The following LGMN variants were observed in gnomAD, a reference collection of about 807,000 sequenced individuals.
LGMN encodes legumain, also known as asparaginyl endopeptidase.
LGMN carries 36 observed loss-of-function variants against 56.8 expected under a neutral mutation model. The observed-to-expected ratio is 0.63, with a 90% CI of 0.49 to 0.84. The LOEUF (loss-of-function observed/expected upper bound fraction) is 0.84. Ranked by LOEUF, LGMN falls within the 40% of genes least tolerant of loss-of-function variation. LGMN has a pLI of 0.00. For missense variants in LGMN, 446 were observed against 556.1 expected, an observed-to-expected ratio of 0.80 and a Z score of 1.99; for synonymous variants, 199 against 210.1, an observed-to-expected ratio of 0.95 and a Z score of 0.46.
chr14:92,715,111 G>A (rs146847722), intron 5 of LGMN, among the ~76,000 whole-genome samples: 2 of 149,484 alleles, frequency 1.3e-5, no homozygotes, highest in African/African-American at 2.5e-5. Context: ...CAGTTCTCCT[G>A]CCTCAGCCTC....
chr14:92,743,072 A>T (rs1891639328), intron 1 of LGMN: 2 of 151,980 alleles, frequency 1.3e-5, no homozygotes, highest in South Asian at 4.1e-4. Context: ...TTAACAAAAG[A>T]TATAGCTACT....
rs532528490 is a variant in LGMN, at chr14:92,745,381, T to C, written c.-30+3108A>G. 3.9e-5 allele frequency among the ~76,000 whole-genome samples: 6 copies of C among 152,298 alleles called. No individual in the cohort carries two copies. The South Asian group carries it at 1.0e-3, about 26-fold the overall frequency. On this transcript the variant is annotated intron_variant, in intron 1 of 13. Transcript: ENST00000334869. ...ACTTCAAGAAATTGAAGGGTGGACA[T>C]TAACCTATAGAAATGTACAAAGAAT... is the stretch of plus-strand genomic sequence containing the variant.
intron 2 of LGMN, among the ~76,000 whole-genome samples, chr14:92,719,927 C>T (rs956577557): frequency 2.6e-5 from 4 of 152,208 alleles, no homozygotes; most frequent in Non-Finnish European, 2.9e-5. Context: ...GTGTGCCCAG[C>T]GATTTGTCTC....
intron 12 of LGMN, 91 bp downstream of exon 12, chr14:92,706,392 T>G (rs1889428685): frequency 1.8e-6 from 2 of 1,105,988 alleles, no homozygotes; most frequent in Non-Finnish European, 2.5e-6. Context: ...GGATGGAACC[T>G]TCTATAAGGT....
At chr14:92,728,590 A>C (rs1011662489) in intron 2 of LGMN, among the ~76,000 whole-genome samples, 2 of 152,252 alleles carry the variant, frequency 1.3e-5, no homozygotes, top group Non-Finnish European at 2.9e-5. Flanking sequence ...ATGACTAATT[A>C]CAAATGACCT....
At chr14:92,704,850 A>G in intron 12 of LGMN, 143 bp from the exon 13 acceptor site, 1 of 682,668 alleles carries the variant, frequency 1.5e-6, no homozygotes, top group East Asian at 2.6e-5. Context: ...ACCTTTAGAT[A>G]ATCTGGTGAT....
At chr14:92,708,779 C>A (rs1359266904) in intron 11 of LGMN, among the ~76,000 whole-genome samples, 1 of 144,024 alleles carries the variant, frequency 6.9e-6, no homozygotes, top group African/African-American at 2.6e-5. Flanking sequence ...ATCTCTTAAA[C>A]CCAGGAGGCG....
At chr14:92,707,336 A>G (rs184566027) in intron 11 of LGMN, among the ~76,000 whole-genome samples, 4 of 151,624 alleles carry the variant, frequency 2.6e-5, no homozygotes, top group Non-Finnish European at 4.4e-5. Flanking sequence ...TCTGAATTCC[A>G]CAAAGACCCT....
At chr14:92,723,020 A>G (rs1283671542) in intron 2 of LGMN, among the ~76,000 whole-genome samples, 1 of 152,098 alleles carries the variant, frequency 6.6e-6, no homozygotes, top group Non-Finnish European at 1.5e-5. Context: ...AGTCAAACAT[A>G]AATTTACCAT....
intron 1 of LGMN, among the ~76,000 whole-genome samples, chr14:92,746,765 G>A (rs778210143): frequency 1.3e-5 from 2 of 152,280 alleles, no homozygotes; most frequent in Non-Finnish European, 2.9e-5. Context: ...AGCCGGGCGC[G>A]GTGGCTCACG....
At chr14:92,727,835 T>C (rs1054856869) in intron 2 of LGMN, among the ~76,000 whole-genome samples, 3 of 152,194 alleles carry the variant, frequency 2.0e-5, no homozygotes, top group Non-Finnish European at 4.4e-5. Flanking sequence ...TGGGGGCTCC[T>C]GATCAGAGGG....
At chr14:92,740,531 C>T (rs1891500098) in intron 1 of LGMN, among the ~76,000 whole-genome samples, 1 of 152,164 alleles carries the variant, frequency 6.6e-6, no homozygotes, top group Non-Finnish European at 1.5e-5. Context: ...ACATCACCTG[C>T]TTGTCACACA....
chr14:92,722,663 A>G (rs1890539159), intron 2 of LGMN, among the ~76,000 whole-genome samples: 1 of 152,218 alleles, frequency 6.6e-6, no homozygotes, highest in Non-Finnish European at 1.5e-5. Context: ...ACATTATTAA[A>G]AAAATGAAAA....
intron 1 of LGMN, among the ~76,000 whole-genome samples, chr14:92,744,356 T>C (rs1021138187): frequency 1.6e-4 from 24 of 152,168 alleles, no homozygotes; most frequent in Admixed American, 2.6e-4. Context: ...AATTCTAGTC[T>C]AGACAGGCAA....
chr14:92,732,936 G>A lies in LGMN; in HGVS notation c.-29-121C>T, dbSNP rs1466796914. 6 of 686,490 alleles carry A rather than the reference G, an allele frequency of 8.7e-6. No individual in the cohort carries two copies. In the East Asian group the frequency reaches 1.2e-4, roughly 13 times the overall value. 42.5% of individuals were successfully genotyped at this position (686,490 alleles called of 1,614,324 possible). ...GAGGCCGAGGAGGGTGGATCAAGAG[G>A]TCAGGAGTTTGAGATCAGCTTGGCC... On this transcript the variant is annotated intron_variant, in intron 1 of 13. Transcript: ENST00000334869.
intron 2 of LGMN, among the ~76,000 whole-genome samples, chr14:92,728,824 C>G (rs942161274): frequency 1.3e-5 from 2 of 152,162 alleles, no homozygotes; most frequent in Non-Finnish European, 2.9e-5. Flanking sequence ...AGTTACCCAG[C>G]CTTTCTGTGC....
intron 2 of LGMN, among the ~76,000 whole-genome samples, chr14:92,728,142 C>T (rs990190733): frequency 5.9e-5 from 9 of 152,202 alleles, no homozygotes; most frequent in African/African-American, 1.2e-4. Context: ...CAGCGGTCCA[C>T]GACCTTTTTG....
intron 4 of LGMN, 25 bp downstream of exon 4, chr14:92,717,354 TG>T: frequency 1.4e-6 from 2 of 1,412,280 alleles, no homozygotes; most frequent in Non-Finnish European, 2.0e-6. Flanking sequence ...CTAAACCAGC[TG>T]GCTCCAACCG....
At chr14:92,705,650 CAG>C (rs922696425) in intron 12 of LGMN, among the ~76,000 whole-genome samples, 43 of 152,048 alleles carry the variant, frequency 2.8e-4, no homozygotes, top group African/African-American at 1.0e-3. Context: ...TTTTTGGAGA[CAG>C]AGTTTCACTC....
Sources: allele counts gnomAD v4.1 joint callset (sites outside exome capture counted in the v4.1 genomes callset), GRCh38; gene constraint gnomAD v4.1.1; transcripts MANE v1.5; gene names NCBI Gene and HGNC (gene_info 2026-07-23, HGNC 2026-07-21).